FGGY: variants seen among roughly 807,000 people sequenced by gnomAD.
FGGY encodes FGGY carbohydrate kinase domain-containing protein.
A neutral mutation model predicts 71.3 loss-of-function variants in FGGY; 72 were observed. The ratio of observed to expected loss-of-function variants is 1.01; its 90% confidence interval spans 0.84 to 1.23. The LOEUF (loss-of-function observed/expected upper bound fraction) is 1.23. FGGY is among the 50% of genes most tolerant of loss of function. The pLI is 0.00. For synonymous variants in FGGY, 251 were observed against 250.3 expected, an observed-to-expected ratio of 1.00 and a Z score of -0.02; for missense variants, 668 against 682.3, an observed-to-expected ratio of 0.98 and a Z score of 0.23.
chr1:59,564,779 A>G (rs2685541), intron 8 of FGGY, among the ~76,000 whole-genome samples: 27,369 of 152,172 alleles, frequency 0.18, 2,780 homozygotes, highest in Admixed American at 0.25. Context: ...TATAAAAGCC[A>G]GGCAGGGATA....
intron 5 of FGGY, among the ~76,000 whole-genome samples, chr1:59,418,506 G>C (rs975781326): frequency 2.0e-5 from 3 of 151,860 alleles, no homozygotes; most frequent in Non-Finnish European, 4.4e-5. Flanking sequence ...AAAAAAAAAA[G>C]TTTGAGGGGC....
At chr1:59,627,454 T>TTATATATATATATATATATATATA (rs60500862) in intron 10 of FGGY, among the ~76,000 whole-genome samples, 4 of 97,334 alleles carry the variant, frequency 4.1e-5, no homozygotes, top group Non-Finnish European at 8.1e-5. Context: ...ACTTATGATT[T>TTATATATATATATATATATATATA]TATATATATA....
intron 8 of FGGY, among the ~76,000 whole-genome samples, chr1:59,586,496 G>A (rs556425534): frequency 3.0e-4 from 45 of 152,186 alleles, no homozygotes; most frequent in African/African-American, 9.2e-4. Context: ...ATCACACACC[G>A]GGGCCTGTGG....
rs566999476 is a variant in FGGY, at chr1:59,702,000, T to G, written c.1512+27867T>G. 3.4e-4 allele frequency among the ~76,000 whole-genome samples: 52 copies of G among 152,312 alleles called. 1 individual carries two copies. The South Asian group carries it at 0.011, about 31-fold the overall frequency. On this transcript the variant is annotated intron_variant, in intron 14 of 15. Coordinates refer to ENST00000303721, the MANE Select transcript of FGGY (RefSeq NM_018291.5). ...GTTTAAAAACAAAAAAAGGTTTAAC[T>G]GACTCACTGTTCTGCATGACTTACA...
At chr1:59,308,774 T>C (rs948128985) in intron 1 of FGGY, among the ~76,000 whole-genome samples, 5 of 152,204 alleles carry the variant, frequency 3.3e-5, no homozygotes, top group Non-Finnish European at 5.9e-5. Context: ...ACCACTGTAT[T>C]GCATGAAGAA....
intron 14 of FGGY, among the ~76,000 whole-genome samples, chr1:59,712,669 C>T (rs1474549356): frequency 6.6e-6 from 1 of 152,174 alleles, no homozygotes; most frequent in African/African-American, 2.4e-5. Flanking sequence ...GAGGCTTGCA[C>T]CCTCTGAAGC....
At chr1:59,466,922 A>G (rs879750577) in intron 6 of FGGY, among the ~76,000 whole-genome samples, 4 of 152,198 alleles carry the variant, frequency 2.6e-5, no homozygotes, top group Admixed American at 2.0e-4. Context: ...AACTAGTTCA[A>G]CCATTGTGGA....
chr1:59,749,812 G>A (rs1180475408), intron 14 of FGGY, among the ~76,000 whole-genome samples: 4 of 152,132 alleles, frequency 2.6e-5, no homozygotes, highest in African/African-American at 9.7e-5. Context: ...TTTCTGATGA[G>A]GCAACAGGCA....
At chr1:59,466,576 G>A (rs903734649) in intron 6 of FGGY, among the ~76,000 whole-genome samples, 24 of 152,238 alleles carry the variant, frequency 1.6e-4, no homozygotes, top group African/African-American at 5.8e-4. Context: ...GCAACCTACA[G>A]AATGGGAGAA....
At chr1:59,560,188 C>T (rs1302480965) in intron 8 of FGGY, among the ~76,000 whole-genome samples, 1 of 152,204 alleles carries the variant, frequency 6.6e-6, no homozygotes, top group Admixed American at 6.5e-5. Context: ...ATCCCCCAAT[C>T]CTATAAGCCC....
At chr1:59,693,711 G>A (rs1044601422) in intron 14 of FGGY, among the ~76,000 whole-genome samples, 34 of 152,192 alleles carry the variant, frequency 2.2e-4, no homozygotes, top group African/African-American at 7.9e-4. Flanking sequence ...TACGTGCACA[G>A]AACTGGGAAA....
chr1:59,412,685 G>A (rs575617463), intron 5 of FGGY, among the ~76,000 whole-genome samples: 1 of 152,184 alleles, frequency 6.6e-6, no homozygotes, highest in East Asian at 1.9e-4. Flanking sequence ...GACTTTCCCT[G>A]TGTGAGACAT....
At chr1:59,468,361 C>T (rs990619988) in intron 6 of FGGY, among the ~76,000 whole-genome samples, 5 of 152,174 alleles carry the variant, frequency 3.3e-5, no homozygotes, top group Non-Finnish European at 7.3e-5. Flanking sequence ...AGAAGATACA[C>T]CCTATGTTGA....
intron 14 of FGGY, among the ~76,000 whole-genome samples, chr1:59,727,552 G>A (rs2097963057): frequency 6.6e-6 from 1 of 152,118 alleles, no homozygotes. Flanking sequence ...AAAGAAATTG[G>A]AGATGATACA....
At chr1:59,310,381 T>C (rs193267217) in intron 1 of FGGY, among the ~76,000 whole-genome samples, 47 of 152,310 alleles carry the variant, frequency 3.1e-4, no homozygotes, top group African/African-American at 1.1e-3. Flanking sequence ...GTTTAAATTA[T>C]TCAGAACTCA....
chr1:59,412,448 C>G (rs1319430889), intron 5 of FGGY, among the ~76,000 whole-genome samples: 1 of 152,030 alleles, frequency 6.6e-6, no homozygotes, highest in Non-Finnish European at 1.5e-5. Context: ...TCTTGCCTCC[C>G]CCTCCTTATT....
rs142969020 is a variant in FGGY at position 59,550,927 on chromosome 1, C to T, written c.800-3197C>T. On this transcript the variant is annotated intron_variant, in intron 7 of 15. Transcript: ENST00000303721. The stretch of plus-strand genomic sequence containing the variant: ...ACTCTGCTCTGTTCTTCTACTTCTG[C>T]ATCTATTAAGAGGAAGAAAGAATGT... Among the ~76,000 whole-genome samples the T allele has an allele frequency of 1.2e-4, 18 of 152,292 alleles. No individual in the cohort carries two copies. The East Asian group carries it at 2.3e-3, about 20-fold the overall frequency.
intron 14 of FGGY, among the ~76,000 whole-genome samples, chr1:59,703,841 T>G (rs1455977075): frequency 2.0e-5 from 3 of 152,232 alleles, no homozygotes; most frequent in African/African-American, 4.8e-5. Flanking sequence ...AAGGAACATC[T>G]GATATGTTTT....
chr1:59,563,430 C>A (rs1371141393), intron 8 of FGGY, among the ~76,000 whole-genome samples: 1 of 152,084 alleles, frequency 6.6e-6, no homozygotes, highest in Non-Finnish European at 1.5e-5. Context: ...TGAGTGAACT[C>A]CCATTCACAA....
Sources: gnomAD v4.1 joint callset for allele counts (sites outside exome capture counted in the v4.1 genomes callset) on GRCh38, gnomAD v4.1.1 for gene constraint, MANE v1.5 for transcripts, NCBI Gene and HGNC (gene_info 2026-07-23, HGNC 2026-07-21) for gene names.